The following USP8 variants were observed in gnomAD, a reference collection of about 807,000 sequenced individuals.
USP8 encodes ubiquitin carboxyl-terminal hydrolase 8.
In USP8, 27 loss-of-function variants were observed where a neutral mutation model predicts 130.0. The observed-to-expected ratio is 0.21, with a 90% confidence interval of 0.15 to 0.29. USP8 has a LOEUF of 0.29. Among genes scored for constraint, USP8 ranks in the 10% least tolerant of loss-of-function variants. USP8 has a pLI of 1.00. For synonymous variants in USP8, 392 were observed against 444.1 expected, an observed-to-expected ratio of 0.88 and a Z score of 1.48; for missense variants, 1,029 against 1,312.2, an observed-to-expected ratio of 0.78 and a Z score of 3.33.
intron 7 of USP8, chr15:50,467,175 G>A (rs1435273898): frequency 2.5e-5 from 5 of 197,410 alleles, no homozygotes; most frequent in African/African-American, 7.1e-5. Flanking sequence ...TTAAACATGT[G>A]AATATATTCC....
chr15:50,479,967 C>T (rs11070787), intron 10 of USP8, among the ~76,000 whole-genome samples: 21,311 of 151,958 alleles, frequency 0.14, 1,951 homozygotes, highest in Admixed American at 0.27. Context: ...TGCCATGTTG[C>T]CCAGGCTGGT....
chr15:50,469,208 C>G (rs1173382047), intron 7 of USP8, among the ~76,000 whole-genome samples: 1 of 152,046 alleles, frequency 6.6e-6, no homozygotes, highest in Non-Finnish European at 1.5e-5. Flanking sequence ...ATACCTTTTA[C>G]TTACTGGATA....
chr15:50,478,790 C>T (rs1267820081), intron 10 of USP8, among the ~76,000 whole-genome samples: 1 of 152,276 alleles, frequency 6.6e-6, no homozygotes, highest in Non-Finnish European at 1.5e-5. Flanking sequence ...TGCCATGGCT[C>T]GTGCCTGTAA....
At chr15:50,466,155 G>A (rs559099433) in intron 7 of USP8, among the ~76,000 whole-genome samples, 1 of 152,216 alleles carries the variant, frequency 6.6e-6, no homozygotes, top group Admixed American at 6.5e-5. Flanking sequence ...GCATTCTTAT[G>A]CAGATCCTAT....
At chr15:50,453,332 T>C (rs1376535764) in intron 4 of USP8, among the ~76,000 whole-genome samples, 1 of 152,278 alleles carries the variant, frequency 6.6e-6, no homozygotes, top group Non-Finnish European at 1.5e-5. Flanking sequence ...TTCATAAATC[T>C]ATTGTTTTCC....
At position 50,450,878 on chromosome 15, in the gene USP8, T is replaced by C. The variant is rs1453444889; in HGVS notation, c.335+1393T>C. Among the ~76,000 whole-genome samples the C allele has an allele frequency of 2.0e-5, 3 of 152,130 alleles. No homozygotes were observed. In the East Asian group the frequency reaches 5.8e-4, roughly 29 times the overall value. On this transcript the variant is annotated intron_variant, in intron 4 of 19. Transcript: ENST00000307179. ...CCTGTATCTGTAGCATAAAAAATGT[T>C]AATAGATAAAACCAAAAGCATTCTC...
At chr15:50,455,493 A>G (rs1046844467) in intron 4 of USP8, among the ~76,000 whole-genome samples, 10 of 152,224 alleles carry the variant, frequency 6.6e-5, no homozygotes, top group African/African-American at 2.4e-4. Context: ...GAGCATAGTT[A>G]TAACAGCTGC....
At chr15:50,466,551 C>T (rs1285050132) in intron 7 of USP8, among the ~76,000 whole-genome samples, 14 of 149,836 alleles carry the variant, frequency 9.3e-5, no homozygotes, top group Admixed American at 4.7e-4. Context: ...GCCGAGATCA[C>T]GGCACTGCAC....
At chr15:50,486,332 A>T (rs537351977) in intron 12 of USP8, among the ~76,000 whole-genome samples, 3 of 152,114 alleles carry the variant, frequency 2.0e-5, no homozygotes, top group South Asian at 2.1e-4. Flanking sequence ...AAAAAATATT[A>T]AAAAATTAGC....
At chr15:50,491,033 G>A (rs1483625107) in intron 14 of USP8, among the ~76,000 whole-genome samples, 1 of 152,002 alleles carries the variant, frequency 6.6e-6, no homozygotes, top group Non-Finnish European at 1.5e-5. Context: ...TTGCTATTCT[G>A]TTTACAAATA....
chr15:50,449,356 A>T, intron 3 of USP8, 44 bp from the exon 4 acceptor site: 1 of 1,322,126 alleles, frequency 7.6e-7, no homozygotes, highest in Non-Finnish European at 1.0e-6. Context: ...GTCACATGCA[A>T]TGCCGAGAAC....
chr15:50,512,696 G>GT lies in USP8; in HGVS notation c.*13608_*13609insT, dbSNP rs901723979. The GT allele has an allele frequency of 6.6e-6, 1 of 151,936 alleles. No homozygotes were observed. Among genetic ancestry groups the GT allele is most frequent in the African/African-American group, 2.4e-5 (1 of 41,344 alleles). 9.4% of individuals were successfully genotyped at this position (151,936 alleles called of 1,614,324 possible). A position where few individuals can be genotyped will look rare whatever the true frequency, so the allele number is the denominator to read the frequency against. On this transcript the variant is annotated 3_prime_UTR_variant, in exon 20 of 20. Coordinates refer to ENST00000307179, the MANE Select transcript of USP8 (RefSeq NM_005154.5). The stretch of plus-strand genomic sequence containing the variant: ...AATCCCAGCTACTTGGGAGGCTGGG[G>GT]CATGAGAATCATTTGAAACCAGGGG...
At chr15:50,458,149 G>T (rs565248200) in intron 4 of USP8, among the ~76,000 whole-genome samples, 1 of 151,938 alleles carries the variant, frequency 6.6e-6, no homozygotes, top group Non-Finnish European at 1.5e-5. Context: ...ATTGCCATTC[G>T]TTCATTTATT....
chr15:50,471,862 A>G (rs1326001356), intron 8 of USP8, 67 bp downstream of exon 8: 1 of 1,531,228 alleles, frequency 6.5e-7, no homozygotes, highest in Non-Finnish European at 8.9e-7. Context: ...AAGGCATGTT[A>G]ACTAGTTGTT....
intron 8 of USP8, among the ~76,000 whole-genome samples, chr15:50,473,645 C>T (rs1416397553): frequency 2.0e-5 from 3 of 151,422 alleles, no homozygotes; most frequent in African/African-American, 4.9e-5. Flanking sequence ...ACTACAGGTA[C>T]GCACCATGCC....
rs1180285346 is a variant in USP8, at chr15:50,441,837, A to G, written c.249+344A>G. Among the ~76,000 whole-genome samples, 3 of 151,694 alleles carry G rather than the reference A, an allele frequency of 2.0e-5. No individual in the cohort carries two copies. The East Asian group carries it at 5.8e-4, about 29-fold the overall frequency. On this transcript the variant is annotated intron_variant, in intron 3 of 19. Coordinates refer to ENST00000307179, the MANE Select transcript of USP8 (RefSeq NM_005154.5). Reference sequence around the variant, plus strand: ...ACATGACTGTGTTTTTTTTTATAGTACTTTTATTGCGCTTTCTTAAGAGTC... The same window carrying G: ...ACATGACTGTGTTTTTTTTTATAGTGCTTTTATTGCGCTTTCTTAAGAGTC...
intron 1 of USP8, among the ~76,000 whole-genome samples, chr15:50,430,585 T>C (rs571132302): frequency 6.6e-6 from 1 of 152,172 alleles, no homozygotes; most frequent in South Asian, 2.1e-4. Flanking sequence ...TTTTATTTTT[T>C]TTTTGTAGTG....
intron 2 of USP8, among the ~76,000 whole-genome samples, chr15:50,440,265 C>T (rs1318478802): frequency 6.6e-6 from 1 of 152,190 alleles, no homozygotes; most frequent in African/African-American, 2.4e-5. Context: ...AGGCCTAAGA[C>T]CGTTTATTCC....
chr15:50,476,318 T>C (rs75420201), intron 8 of USP8, among the ~76,000 whole-genome samples: 1 of 152,254 alleles, frequency 6.6e-6, no homozygotes, highest in African/African-American at 2.4e-5. Context: ...AAGTCCCAGC[T>C]ACTGGGAAGG....
Sources: gnomAD v4.1 joint callset for allele counts (sites outside exome capture counted in the v4.1 genomes callset) on GRCh38, gnomAD v4.1.1 for gene constraint, MANE v1.5 for transcripts, NCBI Gene and HGNC (gene_info 2026-07-23, HGNC 2026-07-21) for gene names.